Variants in GALNT18 observed in about 807,000 individuals in gnomAD.
GALNT18 encodes the protein polypeptide N-acetylgalactosaminyltransferase 18.
A neutral mutation model predicts 69.5 loss-of-function variants in GALNT18; 44 were observed. That is an observed-to-expected ratio of 0.63 (90% CI 0.50 to 0.81). The LOEUF (loss-of-function observed/expected upper bound fraction) is 0.81, where lower values mean the gene tolerates loss of function less well. Among genes scored for constraint, GALNT18 ranks in the 40% least tolerant of loss-of-function variants. The pLI, the probability that GALNT18 is intolerant of heterozygous loss-of-function variation, is 0.00. For synonymous variants in GALNT18, 364 were observed against 318.2 expected (o/e 1.14, Z -1.53); for missense variants, 715 against 810.0 (o/e 0.88, Z 1.42).
intron 2 of GALNT18, among the ~76,000 whole-genome samples, chr11:11,446,009 C>T (rs1156762863): frequency 1.3e-5 from 2 of 152,188 alleles, no homozygotes; most frequent in Non-Finnish European, 1.5e-5. Flanking sequence ...CAAGGGCTCC[C>T]ACATGCGCTC....
intron 9 of GALNT18, among the ~76,000 whole-genome samples, chr11:11,319,087 C>T (rs927462725): frequency 7.3e-6 from 1 of 136,306 alleles, no homozygotes; most frequent in Admixed American, 7.1e-5. Context: ...GCACTCAGTA[C>T]TTGCTTAACC....
intron 1 of GALNT18, among the ~76,000 whole-genome samples, chr11:11,566,854 G>A (rs548034252): frequency 7.9e-5 from 12 of 152,262 alleles, no homozygotes; most frequent in African/African-American, 1.4e-4. Context: ...ACCTAGCACC[G>A]GCTTGTTTTT....
At chr11:11,599,448 G>A (rs530082267) in intron 1 of GALNT18, among the ~76,000 whole-genome samples, 2 of 152,028 alleles carry the variant, frequency 1.3e-5, no homozygotes, top group East Asian at 3.9e-4. Context: ...TTTGCATTGT[G>A]TATCTTTCTT....
rs1854544973 is a variant in GALNT18 at position 11,404,587 on chromosome 11, T to C, written c.596-25323A>G. 6.6e-6 allele frequency among the ~76,000 whole-genome samples: 1 copy of C among 152,052 alleles called. No individual in the cohort carries two copies. The highest frequency in any genetic ancestry group is 2.1e-4 in the South Asian group (1 of 4,816). On this transcript the variant is annotated intron_variant, in intron 3 of 10. Transcript: ENST00000227756. This position sits in a 1 kb window ranked among gnomAD's most constrained non-coding sequence, Gnocchi z 4.5. ...TGAGTGTATCTGAACCACGGCTCCATCCAAACCTAAGCCCTCCGCCCCACC... is the reference window on the plus strand; with the variant it reads ...TGAGTGTATCTGAACCACGGCTCCACCCAAACCTAAGCCCTCCGCCCCACC...
chr11:11,612,737 A>G (rs1433178942), intron 1 of GALNT18, among the ~76,000 whole-genome samples: 1 of 152,232 alleles, frequency 6.6e-6, no homozygotes, highest in Non-Finnish European at 1.5e-5. Context: ...ACTTAAACTC[A>G]GTGCATTTGT....
At chr11:11,321,248 C>T (rs1849834448) in intron 9 of GALNT18, among the ~76,000 whole-genome samples, 1 of 152,144 alleles carries the variant, frequency 6.6e-6, no homozygotes, top group South Asian at 2.1e-4. Flanking sequence ...AGATGAAACT[C>T]ATCAATGGTG....
At position 11,500,288 on chromosome 11, in the gene GALNT18, C is replaced by A. The variant is rs545123745; in HGVS notation, c.236-51352G>T. Among the ~76,000 whole-genome samples, 2 of 152,290 alleles carry A rather than the reference C, an allele frequency of 1.3e-5. No individual in the cohort carries two copies. Among genetic ancestry groups the A allele is most frequent in the South Asian group, 4.1e-4 (2 of 4,822 alleles). ...TGCAGGAGGCTGGCCTCCCGGGAGT[C>A]CCTAATACTGGCGGACAGAGATGGG... On this transcript the variant is annotated intron_variant, in intron 1 of 10. Coordinates refer to ENST00000227756, the MANE Select transcript of GALNT18 (RefSeq NM_198516.3). This position sits in a 1 kb window ranked among gnomAD's most constrained non-coding sequence, Gnocchi z 5.0.
intron 3 of GALNT18, among the ~76,000 whole-genome samples, chr11:11,424,667 A>C (rs1179733351): frequency 6.6e-6 from 1 of 152,154 alleles, no homozygotes; most frequent in African/African-American, 2.4e-5. Context: ...TAATTTAGTC[A>C]GTCAATAACC....
chr11:11,278,622 G>T (rs965157590), intron 10 of GALNT18, among the ~76,000 whole-genome samples: 2 of 151,942 alleles, frequency 1.3e-5, no homozygotes, highest in Non-Finnish European at 2.9e-5. Context: ...AATTTTGCAT[G>T]TTCTTACTCA....
intron 1 of GALNT18, among the ~76,000 whole-genome samples, chr11:11,503,870 T>C (rs1857020287): frequency 6.6e-6 from 1 of 152,204 alleles, no homozygotes; most frequent in Admixed American, 6.5e-5. Flanking sequence ...GCAATCTCCC[T>C]GGTCAAATCA....
At chr11:11,373,324 A>G (rs907826993) in intron 5 of GALNT18, among the ~76,000 whole-genome samples, 1 of 152,272 alleles carries the variant, frequency 6.6e-6, no homozygotes, top group South Asian at 2.1e-4. Context: ...AGAGATAGGA[A>G]TTTTTTAAAG....
At chr11:11,451,496 G>A (rs906898956) in intron 1 of GALNT18, among the ~76,000 whole-genome samples, 4 of 152,304 alleles carry the variant, frequency 2.6e-5, no homozygotes, top group Non-Finnish European at 4.4e-5. Flanking sequence ...GTATGGGCAC[G>A]AAGGATGACA....
In GALNT18 at chr11:11,276,436, A is replaced by G. The variant is rs151268085; in HGVS notation, c.1678-5146T>C. On this transcript the variant is annotated intron_variant, in intron 10 of 10. Coordinates refer to ENST00000227756, the MANE Select transcript of GALNT18 (RefSeq NM_198516.3). ...GCTTAAGGAGATTTGGGGCTGAGAC[A>G]ATGGGGTTTTCTAAATATACAATCA... is the stretch of plus-strand genomic sequence containing the variant. 3.6e-3 allele frequency among the ~76,000 whole-genome samples: 554 copies of G among 152,248 alleles called. 10 individuals carry two copies. The East Asian group carries it at 0.065, about 18-fold the overall frequency.
intron 1 of GALNT18, among the ~76,000 whole-genome samples, chr11:11,458,115 G>T (rs888760436): frequency 6.6e-6 from 1 of 152,098 alleles, no homozygotes; most frequent in Admixed American, 6.5e-5. Flanking sequence ...CCCGCTTCTG[G>T]GTCTGCTATT....
chr11:11,325,515 T>C (rs570169554), intron 9 of GALNT18, among the ~76,000 whole-genome samples: 4 of 151,912 alleles, frequency 2.6e-5, no homozygotes, highest in African/African-American at 7.2e-5. Flanking sequence ...CAAAAACCAT[T>C]GAAATAAAAA....
chr11:11,545,343 T>A (rs922657839), intron 1 of GALNT18, among the ~76,000 whole-genome samples: 2 of 152,212 alleles, frequency 1.3e-5, no homozygotes, highest in African/African-American at 4.8e-5. Context: ...AATGCAGATA[T>A]CCTGCTAGCA....
chr11:11,450,694 T>A (rs556599376), intron 1 of GALNT18, among the ~76,000 whole-genome samples: 2 of 152,194 alleles, frequency 1.3e-5, no homozygotes, highest in African/African-American at 2.4e-5. Context: ...GGGATAACCA[T>A]CAGAGCTAAC....
intron 1 of GALNT18, among the ~76,000 whole-genome samples, chr11:11,458,940 C>T (rs1232904872): frequency 6.6e-6 from 1 of 152,326 alleles, no homozygotes; most frequent in Middle Eastern, 3.4e-3. Flanking sequence ...CCCCCAGCTC[C>T]CTGGGCCCTG....
At chr11:11,549,129 C>T (rs1263471646) in intron 1 of GALNT18, among the ~76,000 whole-genome samples, 1 of 152,208 alleles carries the variant, frequency 6.6e-6, no homozygotes, top group African/African-American at 2.4e-5. Flanking sequence ...TCTCCATCCT[C>T]CTTCCTGCTG....
Sources: allele counts gnomAD v4.1 joint callset (sites outside exome capture counted in the v4.1 genomes callset), GRCh38; gene constraint gnomAD v4.1.1; non-coding constraint Gnocchi (gnomAD v3.1); transcripts MANE v1.5; gene names NCBI Gene and HGNC (gene_info 2026-07-23, HGNC 2026-07-21).